RGS6: variants seen among roughly 807,000 people sequenced by gnomAD.
RGS6 encodes regulator of G-protein signaling 6.
A neutral mutation model predicts 78.5 loss-of-function variants in RGS6; 30 were observed. The observed-to-expected ratio is 0.38, with a 90% CI of 0.29 to 0.52. The LOEUF (loss-of-function observed/expected upper bound fraction) is 0.52. RGS6 is among the 20% of genes least tolerant of loss of function. RGS6 has a pLI of 0.85. For missense variants in RGS6, 495 were observed against 609.7 expected (o/e 0.81, Z 1.98); for synonymous variants, 206 against 206.0 (o/e 1.00, Z 0.00).
chr14:72,502,712 T>C (rs1017422010), intron 13 of RGS6, among the ~76,000 whole-genome samples: 5 of 152,084 alleles, frequency 3.3e-5, no homozygotes, highest in African/African-American at 1.2e-4. Flanking sequence ...TGCAGTGAGC[T>C]GAGATCGTGC....
chr14:72,076,318 C>T (rs1215884548), intron 2 of RGS6, among the ~76,000 whole-genome samples: 1 of 152,118 alleles, frequency 6.6e-6, no homozygotes, highest in Non-Finnish European at 1.5e-5. Context: ...TTCTGAATCT[C>T]AATTATTTTC....
intron 2 of RGS6, among the ~76,000 whole-genome samples, chr14:72,221,859 G>A (rs925106030): frequency 1.3e-5 from 2 of 152,198 alleles, no homozygotes; most frequent in African/African-American, 4.8e-5. Context: ...CTCCCTGGGA[G>A]CTGGGGTCAA....
At chr14:71,970,091 G>A (rs1444013065) in intron 2 of RGS6, among the ~76,000 whole-genome samples, 1 of 152,008 alleles carries the variant, frequency 6.6e-6, no homozygotes, top group African/African-American at 2.4e-5. Flanking sequence ...CTGTTTCTTT[G>A]GCTTGCTAAT....
At chr14:72,523,113 A>T (rs2097071057) in intron 15 of RGS6, among the ~76,000 whole-genome samples, 1 of 152,230 alleles carries the variant, frequency 6.6e-6, no homozygotes, top group African/African-American at 2.4e-5. Flanking sequence ...AGGTATAAAA[A>T]GGAGGTTAAA....
intron 3 of RGS6, among the ~76,000 whole-genome samples, chr14:72,404,429 C>T (rs1231534774): frequency 6.6e-6 from 1 of 152,132 alleles, no homozygotes; most frequent in African/African-American, 2.4e-5. Flanking sequence ...TCCAGCACTG[C>T]CTCGGATTCC....
chr14:72,597,924 C>G, the RGS6 span, among the ~76,000 whole-genome samples: 5 of 152,214 alleles, frequency 3.3e-5, no homozygotes, highest in African/African-American at 4.8e-5. Context: ...CCTTTCCTCC[C>G]CTCCTGAACC....
At position 72,562,881 on chromosome 14, in the gene RGS6, T is replaced by A; in HGVS notation, c.*414T>A. ...TTCTGGCAAATTCAAGAGGCATGAGTGGACCGAGAGCACATCCAGCATTTG... is the reference window on the plus strand; with the variant it reads ...TTCTGGCAAATTCAAGAGGCATGAGAGGACCGAGAGCACATCCAGCATTTG... On this transcript the variant is annotated 3_prime_UTR_variant, in exon 18 of 18. Coordinates refer to ENST00000553525, the MANE Select transcript of RGS6 (RefSeq NM_001204424.2). 1 of 848,102 alleles carries A rather than the reference T, an allele frequency of 1.2e-6. No homozygotes were observed. The highest frequency in any genetic ancestry group is 1.9e-6 in the Non-Finnish European group (1 of 523,682). 52.5% of individuals were successfully genotyped at this position (848,102 alleles called of 1,614,324 possible).
At chr14:72,515,162 T>C (rs1292102574) in intron 14 of RGS6, among the ~76,000 whole-genome samples, 3 of 152,068 alleles carry the variant, frequency 2.0e-5, no homozygotes, top group Non-Finnish European at 2.9e-5. Flanking sequence ...GAGTCCCCAG[T>C]GTGTGCAGGG....
At chr14:72,304,484 G>T (rs995208206) in intron 2 of RGS6, among the ~76,000 whole-genome samples, 1 of 152,210 alleles carries the variant, frequency 6.6e-6, no homozygotes, top group African/African-American at 2.4e-5. Flanking sequence ...ATGCTCTAGT[G>T]AATTTTCTAT....
intron 10 of RGS6, among the ~76,000 whole-genome samples, 168 bp downstream of exon 10, chr14:72,474,867 C>T (rs2096193545): frequency 6.6e-6 from 1 of 152,214 alleles, no homozygotes; most frequent in South Asian, 2.1e-4. Context: ...TGGCGCTGTG[C>T]TCGTGCTAGG....
chr14:72,597,412 G>C, the RGS6 span, among the ~76,000 whole-genome samples: 1 of 152,210 alleles, frequency 6.6e-6, no homozygotes, highest in Non-Finnish European at 1.5e-5. Context: ...GACTCCTTGG[G>C]CATTTGCCCA....
chr14:72,004,807 C>G (rs2084186682), intron 2 of RGS6, among the ~76,000 whole-genome samples: 1 of 151,974 alleles, frequency 6.6e-6, no homozygotes. Flanking sequence ...GCCTGGGTGA[C>G]AGAGCAAGAC....
intron 3 of RGS6, among the ~76,000 whole-genome samples, chr14:72,450,921 T>C (rs1287862377): frequency 6.6e-6 from 1 of 152,246 alleles, no homozygotes; most frequent in Non-Finnish European, 1.5e-5. Flanking sequence ...CGCGATATTA[T>C]GACAGATTTC....
At chr14:72,125,513 G>C (rs1488808102) in intron 2 of RGS6, among the ~76,000 whole-genome samples, 2 of 152,142 alleles carry the variant, frequency 1.3e-5, no homozygotes, top group Admixed American at 6.6e-5. Context: ...AAGCTTTGCA[G>C]TAGAGAAAAG....
chr14:72,473,038 A>G, intron 9 of RGS6, 85 bp downstream of exon 9: 2 of 879,818 alleles, frequency 2.3e-6, no homozygotes, highest in South Asian at 2.0e-5. Flanking sequence ...GTCTTTAGCC[A>G]CCAGGTGTCT....
At chr14:72,558,891 C>A (rs1322994859) in intron 17 of RGS6, among the ~76,000 whole-genome samples, 1 of 152,218 alleles carries the variant, frequency 6.6e-6, no homozygotes, top group African/African-American at 2.4e-5. Context: ...ACAAAGGCTG[C>A]CTGCTAATAG....
At chr14:72,550,571 T>C (rs2097490927) in intron 17 of RGS6, 1 of 1,535,534 alleles carries the variant, frequency 6.5e-7, no homozygotes, top group South Asian at 1.2e-5. Flanking sequence ...TGTAATCTTC[T>C]GCAGCAAAAG....
At chr14:72,594,517 T>C in the RGS6 span, among the ~76,000 whole-genome samples, 4 of 152,188 alleles carry the variant, frequency 2.6e-5, no homozygotes, top group Non-Finnish European at 5.9e-5. Context: ...CTCTCCTTCT[T>C]TGGGCTCCTG....
chr14:72,121,396 C>T (rs1437986472), intron 2 of RGS6, among the ~76,000 whole-genome samples: 2 of 152,152 alleles, frequency 1.3e-5, no homozygotes, highest in Non-Finnish European at 2.9e-5. Context: ...GGGGAGAAGA[C>T]ACCAGTGGCT....
Sources: allele counts gnomAD v4.1 joint callset (sites outside exome capture counted in the v4.1 genomes callset), GRCh38; gene constraint gnomAD v4.1.1; transcripts MANE v1.5; gene names NCBI Gene and HGNC (gene_info 2026-07-23, HGNC 2026-07-21).